Variants in SDK1 observed in about 807,000 individuals in gnomAD.
The protein encoded by SDK1 is protein sidekick-1.
In SDK1, 157 loss-of-function variants were observed where a neutral mutation model predicts 245.5. The observed-to-expected ratio is 0.64, with a 90% CI of 0.56 to 0.73. The LOEUF is 0.73. Ranked by LOEUF, SDK1 falls within the 30% of genes least tolerant of loss-of-function variation. SDK1 has a pLI of 0.00. For missense variants in SDK1, 3,583 were observed against 3,002.3 expected (o/e 1.19, Z -4.52); for synonymous variants, 1,647 against 1,278.5 (o/e 1.29, Z -6.15).
chr7:3,981,973 A>G (rs1454860163), intron 13 of SDK1, among the ~76,000 whole-genome samples: 2 of 152,228 alleles, frequency 1.3e-5, no homozygotes, highest in Non-Finnish European at 2.9e-5. Flanking sequence ...TTTTATGGGA[A>G]GAAGATACCA....
At chr7:4,145,977 GCC>G in intron 29 of SDK1, 61 bp downstream of exon 29, 1 of 1,427,926 alleles carries the variant, frequency 7.0e-7, no homozygotes, top group Non-Finnish European at 9.5e-7. Flanking sequence ...CCTCAATCAG[GCC>G]CTCTGGGGTC....
intron 1 of SDK1, among the ~76,000 whole-genome samples, chr7:3,518,202 A>C (rs1388477947): frequency 2.6e-5 from 4 of 152,162 alleles, no homozygotes; most frequent in African/African-American, 9.6e-5. Flanking sequence ...ATTTTGTACT[A>C]TTCTTTCTGC....
intron 22 of SDK1, among the ~76,000 whole-genome samples, chr7:4,108,901 A>G (rs573982241): frequency 1.9e-4 from 29 of 152,280 alleles, no homozygotes; most frequent in African/African-American, 7.0e-4. Flanking sequence ...GATCCTGGAC[A>G]TTTCGTAAAC....
At chr7:3,776,571 T>A (rs1374618954) in intron 4 of SDK1, among the ~76,000 whole-genome samples, 4 of 152,228 alleles carry the variant, frequency 2.6e-5, no homozygotes, top group Non-Finnish European at 4.4e-5. Flanking sequence ...ATGAAGATAG[T>A]ATGTGAATAT....
chr7:3,951,136 C>A, intron 6 of SDK1, 102 bp downstream of exon 6: 1 of 871,096 alleles, frequency 1.1e-6, no homozygotes, highest in Non-Finnish European at 1.9e-6. Flanking sequence ...AGCCTTCTAG[C>A]GACAGTGGTC....
At chr7:3,307,418 A>G (rs932743156) in intron 1 of SDK1, among the ~76,000 whole-genome samples, 1 of 152,200 alleles carries the variant, frequency 6.6e-6, no homozygotes, top group Non-Finnish European at 1.5e-5. Flanking sequence ...CCTACCTGCC[A>G]GTTATTGATC....
intron 28 of SDK1, among the ~76,000 whole-genome samples, chr7:4,141,449 G>A (rs996246251): frequency 2.4e-4 from 37 of 152,222 alleles, no homozygotes; most frequent in African/African-American, 7.0e-4. Context: ...AAACAGTAAA[G>A]ATTAAACAAT....
At chr7:4,065,630 A>G (rs1779826384) in intron 19 of SDK1, among the ~76,000 whole-genome samples, 1 of 145,760 alleles carries the variant, frequency 6.9e-6, no homozygotes, top group Non-Finnish European at 1.5e-5. Flanking sequence ...AGTGAAATTT[A>G]TCAGAGCATT....
At chr7:3,635,481 T>C (rs1334552354) in intron 2 of SDK1, among the ~76,000 whole-genome samples, 5 of 152,240 alleles carry the variant, frequency 3.3e-5, no homozygotes, top group African/African-American at 1.2e-4. Context: ...ATTAGTTGAA[T>C]ATAAGTGATT....
intron 4 of SDK1, among the ~76,000 whole-genome samples, chr7:3,737,269 G>T (rs1259974582): frequency 6.6e-6 from 1 of 152,226 alleles, no homozygotes; most frequent in Non-Finnish European, 1.5e-5. Context: ...TGGTCAGGTG[G>T]TCAATGGGGT....
At chr7:4,025,456 C>CCT (rs1353540092) in intron 17 of SDK1, among the ~76,000 whole-genome samples, 2 of 152,178 alleles carry the variant, frequency 1.3e-5, no homozygotes, top group Non-Finnish European at 2.9e-5. Flanking sequence ...GTGCAGATCA[C>CCT]CTCTGTGCAC....
intron 1 of SDK1, among the ~76,000 whole-genome samples, chr7:3,316,820 C>G (rs1034317309): frequency 1.3e-5 from 2 of 152,018 alleles, no homozygotes; most frequent in Non-Finnish European, 2.9e-5. Flanking sequence ...TCAATTGTAT[C>G]CCCCTTTTTT....
chr7:3,957,877 C>T (rs2128128020), intron 7 of SDK1, among the ~76,000 whole-genome samples: 1 of 152,314 alleles, frequency 6.6e-6, no homozygotes, highest in Non-Finnish European at 1.5e-5. Context: ...CAGCCATCTC[C>T]TCAGCCGGAG....
intron 1 of SDK1, among the ~76,000 whole-genome samples, chr7:3,511,789 T>C (rs1782588261): frequency 7.5e-6 from 1 of 133,976 alleles, no homozygotes; most frequent in African/African-American, 2.9e-5. Context: ...CACTGTTTTT[T>C]TTGTTTTTTG....
rs550278226 is a variant in SDK1 at position 3,323,515 on chromosome 7, G to C, written c.298+21631G>C. ...ATTGCTGGTCATGTTCAGTTCCTGT[G>C]GCTGTAGGACTGAGGCTCCTGTTTT... On this transcript the variant is annotated intron_variant, in intron 1 of 44. Coordinates refer to ENST00000404826, the MANE Select transcript of SDK1 (RefSeq NM_152744.4). 1.4e-4 allele frequency among the ~76,000 whole-genome samples: 21 copies of C among 152,274 alleles called. No individual in the cohort carries two copies. The South Asian group carries it at 4.2e-3, about 30-fold the overall frequency.
At chr7:3,835,268 T>G (rs957273507) in intron 5 of SDK1, among the ~76,000 whole-genome samples, 5 of 152,212 alleles carry the variant, frequency 3.3e-5, no homozygotes, top group Admixed American at 1.3e-4. Flanking sequence ...CGTGTCCACA[T>G]GCATTTCCTC....
intron 1 of SDK1, among the ~76,000 whole-genome samples, chr7:3,362,416 T>C (rs1294248660): frequency 6.6e-6 from 1 of 152,194 alleles, no homozygotes; most frequent in Non-Finnish European, 1.5e-5. Flanking sequence ...TTTTGGTGAT[T>C]GTGTTTGATC....
At position 4,174,364 on chromosome 7, in the gene SDK1, C is replaced by A. The variant is rs1019068498; in HGVS notation, c.4936+7C>A. 6 of 1,613,322 alleles carry A rather than the reference C, an allele frequency of 3.7e-6. No homozygotes were observed. In the African/African-American group the frequency reaches 6.7e-5, roughly 18 times the overall value. On this transcript the variant is annotated splice_region_variant and intron_variant, in intron 33 of 44. Transcript: ENST00000404826. ...TTACATGCTGAGCTCACAGGTGAGA[C>A]TGTCCCCTCTGTCCTGGTACAGGGA...
intron 1 of SDK1, among the ~76,000 whole-genome samples, chr7:3,312,414 T>A (rs1331661748): frequency 6.6e-6 from 1 of 151,894 alleles, no homozygotes; most frequent in Non-Finnish European, 1.5e-5. Flanking sequence ...TCCAGGAGAT[T>A]GAGATGATAG....
Sources: allele counts gnomAD v4.1 joint callset (sites outside exome capture counted in the v4.1 genomes callset), GRCh38; gene constraint gnomAD v4.1.1; transcripts MANE v1.5; gene names NCBI Gene and HGNC (gene_info 2026-07-23, HGNC 2026-07-21).